The following GIT1 variants were observed in gnomAD, a reference collection of about 807,000 sequenced individuals.
GIT1 encodes the protein ARF GTPase-activating protein GIT1.
Under a neutral mutation model 91.7 loss-of-function variants are expected in GIT1, and 14 were observed. The ratio of observed to expected loss-of-function variants is 0.15; its 90% CI spans 0.10 to 0.24. The LOEUF (loss-of-function observed/expected upper bound fraction) is 0.24, where lower values mean the gene tolerates loss of function less well. Ranked by LOEUF, GIT1 falls within the 10% of genes least tolerant of loss-of-function variation. The probability of loss-of-function intolerance (pLI) is 1.00; values close to 1 mark genes in which losing one functional copy is unlikely to be tolerated. For missense variants in GIT1, 717 were observed against 1,024.9 expected (o/e 0.70, Z 4.10); for synonymous variants, 414 against 418.2 (o/e 0.99, Z 0.12).
In GIT1 at chr17:29,582,952, C is replaced by T. The variant is rs2150847517; in HGVS notation, c.272G>A (p.Arg91His). Residue 91 changes from arginine (R) to histidine (H), a missense_variant, in exon 3 of 20, where the codon CGT becomes CAT. Physicochemically the swap from Arg to His is conservative, Grantham distance 29 (BLOSUM62 0). This residue lies in a region of GIT1 where 271 missense variants were observed against 451.6 expected (regional missense o/e 0.60). Coordinates refer to ENST00000225394, the MANE Select transcript of GIT1 (RefSeq NM_014030.4). ...GACTTTGTCTTGGGGGTTGGCTTTACGCCGGCCGCTCTGCACTTGTGCGGG... is the reference window on the plus strand; with the variant it reads ...GACTTTGTCTTGGGGGTTGGCTTTATGCCGGCCGCTCTGCACTTGTGCGGG... ...LDPAQVQSGR[R>H]KANPQDKVHP... is the part of the protein sequence containing the mutation. 2.5e-6 allele frequency: 4 copies of T among 1,611,802 alleles called. No homozygotes were observed. The highest frequency in any genetic ancestry group is 3.4e-6 in the Non-Finnish European group (4 of 1,179,266).
rs1555576680 is a variant in GIT1 at position 29,589,586 on chromosome 17, G to GCGCCGCCCCGC, written c.-219_-209dup. The stretch of plus-strand genomic sequence containing the variant: ...CTCGCCCTCGGGCGCCCTCCGCCCC[G>GCGCCGCCCCGC]CGCCGCCCCGCCGCCGCTCGCGGCT... On this transcript the variant is annotated 5_prime_UTR_variant, in exon 1 of 20. Transcript: ENST00000225394. The surrounding 1 kb of genome is among the most constrained non-coding windows in gnomAD (Gnocchi z 5.2). The GCGCCGCCCCGC allele has an allele frequency of 3.4e-5, 5 of 147,496 alleles. No individual in the cohort carries two copies. Among genetic ancestry groups the GCGCCGCCCCGC allele is most frequent in the African/African-American group, 1.2e-4 (5 of 40,624 alleles). 9.1% of individuals were successfully genotyped at this position (147,496 alleles called of 1,614,324 possible). A position where few individuals can be genotyped will look rare whatever the true frequency, so the allele number is the denominator to read the frequency against.
At chr17:29,586,955 G>A (rs140558637) in intron 1 of GIT1, among the ~76,000 whole-genome samples, 4 of 152,176 alleles carry the variant, frequency 2.6e-5, no homozygotes, top group African/African-American at 9.7e-5. Flanking sequence ...CTTGTCCTGT[G>A]TGCCCATGCC....
At position 29,582,566 on chromosome 17, in the gene GIT1, CCT is replaced by C. The variant is rs1218817888; in HGVS notation, c.405+130_405+131del. 1.1e-5 allele frequency: 7 copies of C among 661,090 alleles called. No homozygotes were observed. The East Asian group carries it at 1.9e-4, about 18-fold the overall frequency. 41.0% of individuals were successfully genotyped at this position (661,090 alleles called of 1,614,324 possible). ...TGACCCAACAATCTGCTCTCTCCAC[CCT>C]GTCTACTGTTACCCTGACCTGGCTG... On this transcript the variant is annotated intron_variant, in intron 4 of 19. Coordinates refer to ENST00000225394, the MANE Select transcript of GIT1 (RefSeq NM_014030.4).
At chr17:29,578,931 C>T (rs2033306419) in intron 7 of GIT1, 152 bp from the exon 8 acceptor site, 1 of 1,611,464 alleles carries the variant, frequency 6.2e-7, no homozygotes, top group Non-Finnish European at 8.5e-7. Flanking sequence ...ACCCCACCTT[C>T]AGGCCTGCTG....
intron 10 of GIT1, 21 bp downstream of exon 10, chr17:29,577,623 GC>G: frequency 6.7e-7 from 1 of 1,493,278 alleles, no homozygotes; most frequent in Non-Finnish European, 9.3e-7. Flanking sequence ...ACCACCCCAG[GC>G]CCCCAATCCA....
intron 1 of GIT1, among the ~76,000 whole-genome samples, chr17:29,587,275 T>A (rs1387059507): frequency 6.6e-6 from 1 of 151,998 alleles, no homozygotes; most frequent in African/African-American, 2.4e-5. Flanking sequence ...TGTGGGATAG[T>A]CCCAAGCAGC....
intron 8 of GIT1, 104 bp from the exon 9 acceptor site, chr17:29,578,475 T>A: frequency 9.5e-7 from 1 of 1,055,606 alleles, no homozygotes; most frequent in South Asian, 1.3e-5. Context: ...TGGCCTTCCT[T>A]GTGCTGCCCA....
chr17:29,578,977 T>C (rs2033308889), intron 7 of GIT1, 198 bp from the exon 8 acceptor site: 1 of 1,613,754 alleles, frequency 6.2e-7, no homozygotes. Flanking sequence ...AGACATGCAC[T>C]TTTGCCGAGA....
At position 29,575,973 on chromosome 17, in the gene GIT1, C is replaced by T; in HGVS notation, c.1666-75G>A. 1 of 1,525,640 alleles carries T rather than the reference C, an allele frequency of 6.6e-7. No homozygotes were observed. Among genetic ancestry groups the T allele is most frequent in the Admixed American group, 1.7e-5 (1 of 58,948 alleles). 94.5% of individuals were successfully genotyped at this position (1,525,640 alleles called of 1,614,324 possible). The stretch of plus-strand genomic sequence containing the variant: ...CTGCTCACCAGCAGTGCAGCAGGGA[C>T]CAGGTCAGTCTAATCATCTTAAGCC... On this transcript the variant is annotated intron_variant, in intron 15 of 19. Coordinates refer to ENST00000225394, the MANE Select transcript of GIT1 (RefSeq NM_014030.4). This position sits in a 1 kb window ranked among gnomAD's most constrained non-coding sequence, Gnocchi z 5.5.
Position 29,574,908 on chromosome 17 carries a change from C to A in GIT1, c.2080G>T (p.Ala694Ser). The change falls in exon 20 of 20, where the codon GCC becomes TCC. Residue 694 changes from alanine to serine, a missense_variant. By Grantham distance (99) the Ala-to-Ser change is moderately conservative. Coordinates refer to ENST00000225394, the MANE Select transcript of GIT1 (RefSeq NM_014030.4). Reference sequence around the variant, plus strand: ...AGTGAGCTCCGCACTGGCTCCAGGGCTGGCCTCTGGAGGGGGCAGGAGTGA... The same window carrying A: ...AGTGAGCTCCGCACTGGCTCCAGGGATGGCCTCTGGAGGGGGCAGGAGTGA... The part of the protein sequence containing the change: ...EMASLFPKRP[A>S]LEPVRSSLRL... 1 of 1,562,376 alleles carries A rather than the reference C, an allele frequency of 6.4e-7. No homozygotes were observed.
chr17:29,575,639 G>A lies in GIT1; in HGVS notation c.1817C>T (p.Pro606Leu). The A allele has an allele frequency of 6.2e-7, 1 of 1,611,864 alleles. No homozygotes were observed. Among genetic ancestry groups the A allele is most frequent in the Non-Finnish European group, 8.5e-7 (1 of 1,179,860 alleles). The change falls in exon 17 of 20, where the codon CCA becomes CTA. Residue 606 changes from proline to leucine, a missense_variant. Around this residue, in one of 3 missense-constraint regions of GIT1, gnomAD observed 134 missense variants for 223.8 expected, o/e 0.60. Coordinates refer to ENST00000225394, the MANE Select transcript of GIT1 (RefSeq NM_014030.4). This position sits in a 1 kb window ranked among gnomAD's most constrained non-coding sequence, Gnocchi z 5.5. ...SDYENTQSGD[P>L]LLGLEGKRFL... ...ACCCAGGGAGCCTCACCCCAGCAGTGGGTCCCCACTTTGCGTGTTCTCATA... is the reference window on the plus strand; with the variant it reads ...ACCCAGGGAGCCTCACCCCAGCAGTAGGTCCCCACTTTGCGTGTTCTCATA...
intron 7 of GIT1, chr17:29,579,413 A>G (rs776112872): frequency 2.8e-5 from 6 of 217,044 alleles, no homozygotes; most frequent in Non-Finnish European, 4.7e-5. Flanking sequence ...CACTGCAGTG[A>G]TAACAGGTGC....
intron 1 of GIT1, among the ~76,000 whole-genome samples, chr17:29,585,058 G>A (rs2033546628): frequency 6.6e-6 from 1 of 151,480 alleles, no homozygotes; most frequent in Admixed American, 6.6e-5. Context: ...CCCAATCAGG[G>A]CAACAGAGGG....
At chr17:29,585,409 G>GCTC (rs1316420651) in intron 1 of GIT1, among the ~76,000 whole-genome samples, 1 of 152,192 alleles carries the variant, frequency 6.6e-6, no homozygotes, top group Non-Finnish European at 1.5e-5. Context: ...GAGAAGCCAG[G>GCTC]CATGGAAGGC....
Position 29,581,221 on chromosome 17 carries a change from C to T in GIT1, c.761+117G>A. 2 of 774,140 alleles carry T rather than the reference C, an allele frequency of 2.6e-6. No homozygotes were observed. The highest frequency in any genetic ancestry group is 4.6e-6 in the Non-Finnish European group (2 of 434,382). 48.0% of individuals were successfully genotyped at this position (774,140 alleles called of 1,614,324 possible). On this transcript the variant is annotated intron_variant, in intron 7 of 19. Coordinates refer to ENST00000225394, the MANE Select transcript of GIT1 (RefSeq NM_014030.4). The surrounding 1 kb of genome is among the most constrained non-coding windows in gnomAD (Gnocchi z 4.8). The stretch of plus-strand genomic sequence containing the variant: ...CTGAGGACTAAGCTGTGCCTCTAGT[C>T]TCTGGGGGGAGGGAGCAGGGTCCTA...
At chr17:29,586,434 C>A (rs868833192) in intron 1 of GIT1, among the ~76,000 whole-genome samples, 1 of 152,184 alleles carries the variant, frequency 6.6e-6, no homozygotes, top group Non-Finnish European at 1.5e-5. Context: ...AGATTGGATA[C>A]CCTTATTCTA....
At position 29,581,390 on chromosome 17, in the gene GIT1, AAT is replaced by A. The variant is rs1457564523; in HGVS notation, c.719-12_719-11del. 6.8e-6 allele frequency: 11 copies of A among 1,610,796 alleles called. No homozygotes were observed. Among genetic ancestry groups the A allele is most frequent in the Admixed American group, 1.7e-5 (1 of 60,000 alleles). ...TGCCCATTCTTGTGATCTGAACAAAAATAAAAATGCCAAGTCACTCACTAGTG... is the reference window on the plus strand; with the variant it reads ...TGCCCATTCTTGTGATCTGAACAAAAAAAAATGCCAAGTCACTCACTAGTG... On this transcript the variant is annotated splice_polypyrimidine_tract_variant and intron_variant, in intron 6 of 19. Transcript: ENST00000225394. This position sits in a 1 kb window ranked among gnomAD's most constrained non-coding sequence, Gnocchi z 4.8.
intron 10 of GIT1, 92 bp downstream of exon 10, chr17:29,577,553 G>A: frequency 1.2e-6 from 1 of 862,664 alleles, no homozygotes; most frequent in Non-Finnish European, 2.0e-6. Context: ...GCAAATGCTG[G>A]AGAGCTGGCT....
rs2033452832 is a variant in GIT1, at chr17:29,582,928, A to T, written c.296T>A (p.Val99Asp). The change falls in exon 3 of 20, where the codon GTC becomes GAC. Residue 99 changes from valine (V) to aspartate (D), a missense_variant. Transcript: ENST00000225394. ...GRRKANPQDK[V>D]HPIKSEFIRA... ...CCACCCCTCCAGCCCCACTCACTGG[A>T]CTTTGTCTTGGGGGTTGGCTTTACG... The T allele has an allele frequency of 5.6e-6, 9 of 1,604,968 alleles. No homozygotes were observed. Among genetic ancestry groups the T allele is most frequent in the Non-Finnish European group, 7.7e-6 (9 of 1,173,232 alleles).
Sources: allele counts gnomAD v4.1 joint callset (sites outside exome capture counted in the v4.1 genomes callset), GRCh38; gene constraint gnomAD v4.1.1; regional missense constraint gnomAD v4.1.1; non-coding constraint Gnocchi (gnomAD v3.1); transcripts MANE v1.5; gene names NCBI Gene and HGNC (gene_info 2026-07-23, HGNC 2026-07-21).